The following CTNNA3 variants were observed in gnomAD, a reference collection of about 807,000 sequenced individuals.
The protein encoded by CTNNA3 is catenin alpha 3.
A neutral mutation model predicts 95.7 loss-of-function variants in CTNNA3; 76 were observed. The observed-to-expected ratio is 0.79, with a 90% confidence interval of 0.66 to 0.96. The LOEUF (loss-of-function observed/expected upper bound fraction) is 0.96. Among genes scored for constraint, CTNNA3 ranks in the 40% least tolerant of loss-of-function variants. The probability of loss-of-function intolerance (pLI) is 0.00; values close to 1 mark genes in which losing one functional copy is unlikely to be tolerated. For synonymous variants in CTNNA3, 431 were observed against 374.4 expected (o/e 1.15, Z -1.74); for missense variants, 1,191 against 1,089.8 (o/e 1.09, Z -1.31).
At chr10:66,856,451 T>C (rs931873241) in intron 7 of CTNNA3, among the ~76,000 whole-genome samples, 1 of 152,122 alleles carries the variant, frequency 6.6e-6, no homozygotes, top group African/African-American at 2.4e-5. Context: ...TTGGATTAAA[T>C]GGTAATTCTG....
At chr10:67,395,750 G>A (rs554741658) in intron 5 of CTNNA3, among the ~76,000 whole-genome samples, 20 of 152,236 alleles carry the variant, frequency 1.3e-4, no homozygotes, top group Admixed American at 1.3e-3. Context: ...AACAACAATA[G>A]TTAAGATTTT....
At chr10:67,487,038 T>G (rs912040326) in intron 5 of CTNNA3, among the ~76,000 whole-genome samples, 2 of 152,114 alleles carry the variant, frequency 1.3e-5, no homozygotes, top group African/African-American at 4.8e-5. Flanking sequence ...CCCCCAGCCA[T>G]GATGAGGCCC....
intron 7 of CTNNA3, among the ~76,000 whole-genome samples, chr10:67,164,895 T>C (rs913849644): frequency 3.3e-5 from 5 of 152,172 alleles, no homozygotes; most frequent in Non-Finnish European, 7.4e-5. Context: ...GGTCAGAGTG[T>C]TGAATAACTA....
chr10:66,057,308 G>A (rs374808488), intron 15 of CTNNA3, among the ~76,000 whole-genome samples: 3 of 152,022 alleles, frequency 2.0e-5, no homozygotes, highest in South Asian at 2.1e-4. Flanking sequence ...AGATTCACAC[G>A]ATACAGAACC....
chr10:67,464,831 G>A (rs553268137), intron 5 of CTNNA3, among the ~76,000 whole-genome samples: 21 of 149,658 alleles, frequency 1.4e-4, no homozygotes, highest in African/African-American at 4.9e-4. Flanking sequence ...CACATTGACC[G>A]TTTCTTATCA....
chr10:66,481,461 C>CTTT (rs148278459), intron 11 of CTNNA3, among the ~76,000 whole-genome samples: 11 of 73,204 alleles, frequency 1.5e-4, no homozygotes, highest in Non-Finnish European at 1.9e-4. Context: ...TCCCTTGTTT[C>CTTT]TTTTTTTTTT....
chr10:66,160,939 CTT>C (rs1453394359), intron 13 of CTNNA3, among the ~76,000 whole-genome samples: 1 of 152,198 alleles, frequency 6.6e-6, no homozygotes, highest in East Asian at 1.9e-4. Flanking sequence ...TAATGTCCCT[CTT>C]TGTCTCTTTT....
chr10:66,093,647 G>A lies in CTNNA3; in HGVS notation c.1977+9510C>T, dbSNP rs571267462. On this transcript the variant is annotated intron_variant, in intron 14 of 17. Coordinates refer to ENST00000433211, the MANE Select transcript of CTNNA3 (RefSeq NM_013266.4). Reference sequence around the variant, plus strand: ...ATAAAATGGCGTAGTGAAGGACTTCGGCAAACAAGCAGATCAATTAATATT... The same window carrying A: ...ATAAAATGGCGTAGTGAAGGACTTCAGCAAACAAGCAGATCAATTAATATT... Among the ~76,000 whole-genome samples the A allele has an allele frequency of 2.0e-5, 3 of 152,004 alleles. No individual in the cohort carries two copies. In the South Asian group the frequency reaches 6.2e-4, roughly 32 times the overall value.
chr10:66,523,497 C>T (rs1291559158), intron 10 of CTNNA3, among the ~76,000 whole-genome samples: 1 of 152,068 alleles, frequency 6.6e-6, no homozygotes, highest in African/African-American at 2.4e-5. Context: ...ATGTTCATCC[C>T]AATGTCACAC....
chr10:66,636,506 T>C (rs531091625), intron 9 of CTNNA3, among the ~76,000 whole-genome samples: 1 of 152,178 alleles, frequency 6.6e-6, no homozygotes, highest in African/African-American at 2.4e-5. Context: ...CCTTCCATAA[T>C]TAGAGCAAAC....
chr10:66,656,050 C>T lies in CTNNA3; in HGVS notation c.1282-34266G>A, dbSNP rs753301219. 1.2e-4 allele frequency among the ~76,000 whole-genome samples: 18 copies of T among 152,070 alleles called. No individual in the cohort carries two copies. In the Middle Eastern group the frequency reaches 0.014, roughly 115 times the overall value. ...AATGTTTTACATAAATTTTAGTACACGGCCAGTAAATAGTGTTATTATTTT... is the reference window on the plus strand; with the variant it reads ...AATGTTTTACATAAATTTTAGTACATGGCCAGTAAATAGTGTTATTATTTT... On this transcript the variant is annotated intron_variant, in intron 9 of 17. Coordinates refer to ENST00000433211, the MANE Select transcript of CTNNA3 (RefSeq NM_013266.4).
intron 7 of CTNNA3, among the ~76,000 whole-genome samples, chr10:66,876,806 AAGAG>A: frequency 6.6e-6 from 1 of 152,196 alleles, no homozygotes; most frequent in African/African-American, 2.4e-5. Flanking sequence ...AAAGACAAGA[AAGAG>A]AAGTCCCCAG....
At chr10:67,121,957 G>A (rs1023608224) in intron 7 of CTNNA3, among the ~76,000 whole-genome samples, 2 of 118,852 alleles carry the variant, frequency 1.7e-5, no homozygotes, top group South Asian at 2.7e-4. Context: ...TGTGTAGCAC[G>A]CTCTTAGCCA....
intron 14 of CTNNA3, 102 bp from the exon 15 acceptor site, chr10:66,069,591 A>T: frequency 1.2e-6 from 1 of 816,304 alleles, no homozygotes; most frequent in South Asian, 1.9e-5. Flanking sequence ...GTTCATTTAA[A>T]ATCAGAGGCA....
At chr10:66,204,489 T>G (rs564222283) in intron 13 of CTNNA3, among the ~76,000 whole-genome samples, 2 of 152,278 alleles carry the variant, frequency 1.3e-5, no homozygotes, top group South Asian at 4.1e-4. Flanking sequence ...CTGGGTCACT[T>G]ATAAGATAAA....
Position 66,438,648 on chromosome 10 carries a change from GCTGAGCTAGACCA to G in CTNNA3, c.1532-59309_1532-59297del, listed in dbSNP as rs1373186030. Among the ~76,000 whole-genome samples the G allele has an allele frequency of 2.0e-5, 3 of 152,108 alleles. No individual in the cohort carries two copies. The East Asian group carries it at 5.8e-4, about 29-fold the overall frequency. Reference sequence around the variant, plus strand: ...GTTGGGCTCCATGGGGGTGGGATCCGCTGAGCTAGACCACTTGACTCCCTGGCTTCAGCCCCCT... The same window carrying G: ...GTTGGGCTCCATGGGGGTGGGATCCGCTTGACTCCCTGGCTTCAGCCCCCT... On this transcript the variant is annotated intron_variant, in intron 11 of 17. Transcript: ENST00000433211.
chr10:66,060,825 C>A (rs1205317738), intron 15 of CTNNA3, among the ~76,000 whole-genome samples: 2 of 152,024 alleles, frequency 1.3e-5, no homozygotes, highest in Admixed American at 1.3e-4. Context: ...ATTTTATGAA[C>A]AACAGGGTGA....
At chr10:67,499,568 T>C (rs1839161320) in intron 5 of CTNNA3, among the ~76,000 whole-genome samples, 1 of 152,208 alleles carries the variant, frequency 6.6e-6, no homozygotes, top group Non-Finnish European at 1.5e-5. Context: ...GTCCTGGGCT[T>C]TTTTTGGTTG....
At position 67,180,482 on chromosome 10, in the gene CTNNA3, C is replaced by A; in HGVS notation, c.882G>T (p.Glu294Asp). 1 of 1,613,812 alleles carries A rather than the reference C, an allele frequency of 6.2e-7. No homozygotes were observed. The highest frequency in any genetic ancestry group is 1.3e-5 in the African/African-American group (1 of 74,998). The change falls in exon 7 of 18, where the codon GAG becomes GAT. Residue 294 changes from glutamate (E) to aspartate (D), a missense_variant. Coordinates refer to ENST00000433211, the MANE Select transcript of CTNNA3 (RefSeq NM_013266.4). ...GTTTCTCTAGTGATGGTCGTATTTC[C>A]TCCTCAGTTACTGTGAGTGGATTCA... ...IVLNPLTVTEEEIRPSLEKRL... is the reference protein window; with the variant it reads ...IVLNPLTVTEDEIRPSLEKRL...
Sources: gnomAD v4.1 joint callset for allele counts (sites outside exome capture counted in the v4.1 genomes callset) on GRCh38, gnomAD v4.1.1 for gene constraint, MANE v1.5 for transcripts, NCBI Gene and HGNC (gene_info 2026-07-23, HGNC 2026-07-21) for gene names.